Variants in ATP8A2 observed in about 807,000 individuals in gnomAD.
ATP8A2 encodes the protein phospholipid-transporting ATPase IB.
A neutral mutation model predicts 165.6 loss-of-function variants in ATP8A2; 100 were observed. That is an observed-to-expected ratio of 0.60 (90% confidence interval 0.51 to 0.71). The LOEUF is 0.71. Among genes scored for constraint, ATP8A2 ranks in the 30% least tolerant of loss-of-function variants. The pLI is 0.00. For synonymous variants in ATP8A2, 543 were observed against 548.8 expected, an observed-to-expected ratio of 0.99 and a Z score of 0.15; for missense variants, 1,227 against 1,479.5, an observed-to-expected ratio of 0.83 and a Z score of 2.80.
At chr13:25,971,832 T>C (rs1380862296) in intron 35 of ATP8A2, among the ~76,000 whole-genome samples, 1 of 152,098 alleles carries the variant, frequency 6.6e-6, no homozygotes, top group Non-Finnish European at 1.5e-5. Flanking sequence ...AATCTTACCC[T>C]TGCAAAGATG....
At chr13:25,427,305 G>A (rs2034479284) in intron 1 of ATP8A2, among the ~76,000 whole-genome samples, 1 of 151,542 alleles carries the variant, frequency 6.6e-6, no homozygotes, top group African/African-American at 2.4e-5. Flanking sequence ...ATCTGTCACT[G>A]TCTCCCATCA....
intron 1 of ATP8A2, among the ~76,000 whole-genome samples, chr13:25,455,844 G>A (rs1453878188): frequency 6.6e-6 from 1 of 152,082 alleles, no homozygotes; most frequent in Admixed American, 6.5e-5. Context: ...CTACTTTCTT[G>A]TAATTTTGTA....
At chr13:25,893,392 A>G (rs1341704363) in intron 33 of ATP8A2, among the ~76,000 whole-genome samples, 1 of 151,370 alleles carries the variant, frequency 6.6e-6, no homozygotes, top group African/African-American at 2.4e-5. Flanking sequence ...ATCATTTTTT[A>G]TGGCTGCATA....
chr13:25,944,017 G>T (rs1195226692), intron 33 of ATP8A2, among the ~76,000 whole-genome samples: 1 of 152,204 alleles, frequency 6.6e-6, no homozygotes, highest in African/African-American at 2.4e-5. Context: ...ACAAGGGTCA[G>T]AAATATAGTA....
chr13:25,672,900 G>A (rs540162660), intron 24 of ATP8A2, among the ~76,000 whole-genome samples: 1 of 152,330 alleles, frequency 6.6e-6, no homozygotes, highest in South Asian at 2.1e-4. Flanking sequence ...TACAGAGTGG[G>A]AGTGGGCAGG....
chr13:26,012,259 G>A (rs914499294), intron 35 of ATP8A2, among the ~76,000 whole-genome samples: 9 of 152,168 alleles, frequency 5.9e-5, no homozygotes, highest in African/African-American at 2.2e-4. Context: ...AAAGCCCACG[G>A]TCCCGCGGGT....
chr13:25,739,418 CTAT>C (rs2043858554), intron 25 of ATP8A2, among the ~76,000 whole-genome samples: 2 of 152,154 alleles, frequency 1.3e-5, no homozygotes, highest in Non-Finnish European at 2.9e-5. Flanking sequence ...AGAAGGAAAC[CTAT>C]GGATTTTTAA....
At chr13:25,483,056 C>A (rs946699675) in intron 2 of ATP8A2, among the ~76,000 whole-genome samples, 1 of 152,188 alleles carries the variant, frequency 6.6e-6, no homozygotes, top group African/African-American at 2.4e-5. Flanking sequence ...AGCCAGGTGA[C>A]AAAGTGATAG....
intron 33 of ATP8A2, among the ~76,000 whole-genome samples, chr13:25,940,951 C>T (rs531683605): frequency 4.6e-5 from 7 of 152,330 alleles, no homozygotes; most frequent in Non-Finnish European, 1.0e-4. Flanking sequence ...GGGCTGGGCA[C>T]GTGCCATGGT....
chr13:25,578,404 G>C lies in ATP8A2; in HGVS notation c.1783-411G>C, dbSNP rs531085027. On this transcript the variant is annotated intron_variant, in intron 20 of 36. Transcript: ENST00000381655. ...GCGCCCAATGGGTTGTGCCCTCTGT[G>C]CTTAGGAGCTCCTCCCGTATTGGGA... is the stretch of plus-strand genomic sequence containing the variant. Among the ~76,000 whole-genome samples, 3 of 152,312 alleles carry C rather than the reference G, an allele frequency of 2.0e-5. No individual in the cohort carries two copies. In the South Asian group the frequency reaches 6.2e-4, roughly 32 times the overall value.
intron 27 of ATP8A2, among the ~76,000 whole-genome samples, chr13:25,791,902 CTT>C (rs2045189851): frequency 1.3e-5 from 2 of 152,152 alleles, no homozygotes; most frequent in South Asian, 2.1e-4. Context: ...ATATGCTCAC[CTT>C]TTTTTGTGGG....
intron 2 of ATP8A2, among the ~76,000 whole-genome samples, chr13:25,478,867 T>G (rs200104438): frequency 3.5e-4 from 49 of 138,214 alleles, no homozygotes; most frequent in African/African-American, 1.3e-3. Context: ...TTTTTTTTTC[T>G]TTTTGGAGTC....
intron 1 of ATP8A2, among the ~76,000 whole-genome samples, chr13:25,465,727 CTT>C (rs1272833005): frequency 8.4e-5 from 5 of 59,300 alleles, no homozygotes; most frequent in African/African-American, 2.3e-4. Flanking sequence ...TTCTTTCTTT[CTT>C]TCTTTCTTTC....
intron 33 of ATP8A2, among the ~76,000 whole-genome samples, chr13:25,884,041 A>G (rs1222911466): frequency 6.6e-6 from 1 of 152,178 alleles, no homozygotes; most frequent in Non-Finnish European, 1.5e-5. Flanking sequence ...AGGGGGCCAG[A>G]AAGATGAGAA....
chr13:25,386,216 G>A (rs1566095346), intron 1 of ATP8A2, among the ~76,000 whole-genome samples: 1 of 151,648 alleles, frequency 6.6e-6, no homozygotes, highest in Admixed American at 6.6e-5. Flanking sequence ...TCTCCTGGCC[G>A]GGCTTAATTT....
At chr13:25,450,964 G>A (rs2035209230) in intron 1 of ATP8A2, among the ~76,000 whole-genome samples, 1 of 152,074 alleles carries the variant, frequency 6.6e-6, no homozygotes, top group African/African-American at 2.4e-5. Context: ...TGATCATTGA[G>A]CTTCTGGACC....
chr13:25,462,383 GA>G (rs1358422935), intron 1 of ATP8A2, among the ~76,000 whole-genome samples: 1 of 152,114 alleles, frequency 6.6e-6, no homozygotes, highest in Admixed American at 6.5e-5. Flanking sequence ...AAAGAACTCA[GA>G]AAAAATGCTA....
intron 33 of ATP8A2, among the ~76,000 whole-genome samples, chr13:25,921,444 T>C (rs1321168554): frequency 6.7e-6 from 1 of 149,904 alleles, no homozygotes; most frequent in East Asian, 2.0e-4. Flanking sequence ...GGTGAAACCC[T>C]GTCTCTGCTA....
chr13:25,564,096 C>A, intron 16 of ATP8A2, 65 bp downstream of exon 16: 1 of 1,189,060 alleles, frequency 8.4e-7, no homozygotes. Flanking sequence ...TTTATATATG[C>A]ATGTAGTATT....
Sources: gnomAD v4.1 joint callset for allele counts (sites outside exome capture counted in the v4.1 genomes callset) on GRCh38, gnomAD v4.1.1 for gene constraint, MANE v1.5 for transcripts, NCBI Gene and HGNC (gene_info 2026-07-23, HGNC 2026-07-21) for gene names.